Variants in HFM1 observed in about 807,000 individuals in gnomAD.
HFM1 encodes the protein helicase for meiosis 1.
In HFM1, 169 loss-of-function variants were observed where a neutral mutation model predicts 192.1. That is an observed-to-expected ratio of 0.88 (90% confidence interval 0.78 to 1.00). The LOEUF (loss-of-function observed/expected upper bound fraction) is 1.00, where lower values mean the gene tolerates loss of function less well. Among genes scored for constraint, HFM1 ranks in the 50% least tolerant of loss-of-function variants. The probability of loss-of-function intolerance (pLI) is 0.00; values close to 1 mark genes in which losing one functional copy is unlikely to be tolerated. For missense variants in HFM1, 1,661 were observed against 1,668.0 expected, an observed-to-expected ratio of 1.00 and a Z score of 0.07; for synonymous variants, 525 against 537.8, an observed-to-expected ratio of 0.98 and a Z score of 0.33.
chr1:91,381,911 A>G (rs1323191266), intron 6 of HFM1, among the ~76,000 whole-genome samples: 1 of 152,128 alleles, frequency 6.6e-6, no homozygotes, highest in African/African-American at 2.4e-5. Context: ...ACATCATATT[A>G]CTTCTCTGAT....
rs1654600900 is a variant in HFM1 at position 91,336,569 on chromosome 1, A to T, written c.2335+6861T>A. On this transcript the variant is annotated intron_variant, in intron 20 of 38. Coordinates refer to ENST00000370425, the MANE Select transcript of HFM1 (RefSeq NM_001017975.6). ...GGTTAATCTTTCTTAAATTCACAGT[A>T]GAAATTAAACAACAGAAGCCGGCAA... 2.0e-5 allele frequency among the ~76,000 whole-genome samples: 3 copies of T among 152,178 alleles called. No homozygotes were observed. The South Asian group carries it at 6.2e-4, about 31-fold the overall frequency.
chr1:91,302,774 G>T (rs561510190), intron 30 of HFM1, among the ~76,000 whole-genome samples: 2 of 133,438 alleles, frequency 1.5e-5, no homozygotes, highest in South Asian at 2.6e-4. Flanking sequence ...ACACTCTGGG[G>T]CCTGTTGTGG....
chr1:91,283,282 C>G (rs1199839911), intron 30 of HFM1, among the ~76,000 whole-genome samples: 8 of 152,144 alleles, frequency 5.3e-5, no homozygotes, highest in Admixed American at 5.2e-4. Flanking sequence ...CTGGCTCTAT[C>G]ACCTAGGCAG....
chr1:91,325,885 A>C (rs1652822242), intron 20 of HFM1, among the ~76,000 whole-genome samples: 1 of 152,164 alleles, frequency 6.6e-6, no homozygotes, highest in Admixed American at 6.5e-5. Context: ...TCAGAATTCT[A>C]TCAGATAAAT....
In HFM1 at chr1:91,295,852, T is replaced by C. The variant is rs56808390; in HGVS notation, c.3391+17497A>G. ...TTTTCTCCTCTAAAAGTTTTATTGT[T>C]TTTCTTTCACATTTAAATCAGTCAT... On this transcript the variant is annotated intron_variant, in intron 30 of 38. Coordinates refer to ENST00000370425, the MANE Select transcript of HFM1 (RefSeq NM_001017975.6). Among the ~76,000 whole-genome samples, 838 of 152,316 alleles carry C rather than the reference T, an allele frequency of 5.5e-3. 5 individuals are homozygous for C. Among genetic ancestry groups the C allele is most frequent in the African/African-American group, 0.019 (792 of 41,564 alleles).
chr1:91,323,708 C>A (rs1652468860), intron 21 of HFM1, among the ~76,000 whole-genome samples: 1 of 152,100 alleles, frequency 6.6e-6, no homozygotes. Context: ...CTTTGGTTTC[C>A]CACATATCTA....
At chr1:91,354,551 A>G (rs1188592700) in intron 13 of HFM1, among the ~76,000 whole-genome samples, 3 of 152,114 alleles carry the variant, frequency 2.0e-5, no homozygotes, top group Non-Finnish European at 1.5e-5. Flanking sequence ...TATAACCAAA[A>G]TGTGGAAAGT....
At chr1:91,372,032 A>T (rs1321238222) in intron 13 of HFM1, among the ~76,000 whole-genome samples, 5 of 152,228 alleles carry the variant, frequency 3.3e-5, no homozygotes, top group African/African-American at 7.2e-5. Context: ...TCAAAACCAC[A>T]ATGAGATACC....
chr1:91,384,154 C>T (rs1287860669), intron 6 of HFM1, among the ~76,000 whole-genome samples: 1 of 152,046 alleles, frequency 6.6e-6, no homozygotes, highest in African/African-American at 2.4e-5. Context: ...TTTTTACCTC[C>T]ACCCTTGCTT....
intron 2 of HFM1, among the ~76,000 whole-genome samples, chr1:91,397,310 A>G (rs989006822): frequency 5.9e-5 from 9 of 152,116 alleles, no homozygotes; most frequent in Non-Finnish European, 1.0e-4. Context: ...ATCATTAACT[A>G]CCCCTCCTCA....
upstream of HFM1, among the ~76,000 whole-genome samples, chr1:91,405,586 A>G (rs1168875887): frequency 1.3e-5 from 2 of 152,126 alleles, no homozygotes; most frequent in African/African-American, 2.4e-5. Flanking sequence ...TTCATTAGCT[A>G]TATGACCTTG....
chr1:91,319,246 C>A (rs2101240904), intron 24 of HFM1, 37 bp from the exon 25 acceptor site: 2 of 1,603,320 alleles, frequency 1.2e-6, no homozygotes, highest in Non-Finnish European at 1.7e-6. Flanking sequence ...TCTAATATAC[C>A]AGTTTATTGG....
intron 23 of HFM1, among the ~76,000 whole-genome samples, chr1:91,321,777 A>G (rs1652153013): frequency 2.0e-5 from 3 of 152,226 alleles, no homozygotes; most frequent in African/African-American, 4.8e-5. Context: ...AAGTATAATA[A>G]TTAACTTTAA....
At chr1:91,328,026 T>A (rs980589851) in intron 20 of HFM1, among the ~76,000 whole-genome samples, 1 of 151,678 alleles carries the variant, frequency 6.6e-6, no homozygotes, top group African/African-American at 2.4e-5. Context: ...AAGAAAAATG[T>A]CAAATAAAAA....
intron 13 of HFM1, among the ~76,000 whole-genome samples, chr1:91,354,989 T>C (rs570086129): frequency 4.6e-5 from 7 of 152,158 alleles, no homozygotes; most frequent in African/African-American, 1.7e-4. Flanking sequence ...AAATCTCTAT[T>C]ATGAAGGTGA....
intron 13 of HFM1, among the ~76,000 whole-genome samples, chr1:91,365,865 A>C (rs77838388): frequency 0.018 from 2,706 of 152,190 alleles, 38 homozygotes; most frequent in Non-Finnish European, 0.029. Flanking sequence ...TTGATTAAGA[A>C]ATTGAAGTTG....
chr1:91,364,926 C>T (rs1659083266), intron 13 of HFM1, among the ~76,000 whole-genome samples: 1 of 151,856 alleles, frequency 6.6e-6, no homozygotes, highest in African/African-American at 2.4e-5. Flanking sequence ...AGCCACCGCG[C>T]CTGGTGTGTA....
At chr1:91,396,154 G>T in intron 3 of HFM1, 139 bp downstream of exon 3, 4 of 461,480 alleles carry the variant, frequency 8.7e-6, no homozygotes, top group Non-Finnish European at 1.6e-5. Flanking sequence ...TACCCAATAT[G>T]AGTATACATA....
At position 91,293,762 on chromosome 1, in the gene HFM1, C is replaced by T. The variant is rs1359403934; in HGVS notation, c.3392-16700G>A. Among the ~76,000 whole-genome samples, 71 of 148,864 alleles carry T rather than the reference C, an allele frequency of 4.8e-4. 1 individual carries two copies. Among genetic ancestry groups the T allele is most frequent in the African/African-American group, 1.3e-3 (53 of 40,574 alleles). ...GACACATGCACACGTATGTTTATTG[C>T]GGCATTATTCACAATAGCAAAGACT... is the stretch of plus-strand genomic sequence containing the variant. On this transcript the variant is annotated intron_variant, in intron 30 of 38. Coordinates refer to ENST00000370425, the MANE Select transcript of HFM1 (RefSeq NM_001017975.6).
Sources: allele counts gnomAD v4.1 joint callset (sites outside exome capture counted in the v4.1 genomes callset), GRCh38; gene constraint gnomAD v4.1.1; transcripts MANE v1.5; gene names NCBI Gene and HGNC (gene_info 2026-07-23, HGNC 2026-07-21).